The following FAM193B variants were observed in gnomAD, a reference collection of about 807,000 sequenced individuals.
The protein encoded by FAM193B is protein FAM193B.
FAM193B carries 27 observed loss-of-function variants against 70.7 expected under a neutral mutation model. The observed-to-expected ratio is 0.38, with a 90% CI of 0.28 to 0.53. The LOEUF (loss-of-function observed/expected upper bound fraction) is 0.53, where lower values mean the gene tolerates loss of function less well. Ranked by LOEUF, FAM193B falls within the 20% of genes least tolerant of loss-of-function variation. FAM193B has a pLI of 0.81. For missense variants in FAM193B, 1,022 were observed against 1,072.5 expected (o/e 0.95, Z 0.66); for synonymous variants, 448 against 436.0 (o/e 1.03, Z -0.34).
At chr5:177,526,214 A>G (rs1038091831) in intron 5 of FAM193B, among the ~76,000 whole-genome samples, 6 of 152,214 alleles carry the variant, frequency 3.9e-5, no homozygotes, top group Admixed American at 3.9e-4. Flanking sequence ...ACTACAGTCA[A>G]TTGTTCTGTG....
chr5:177,522,166 C>G, intron 7 of FAM193B, 95 bp from the exon 8 acceptor site: 1 of 987,918 alleles, frequency 1.0e-6, no homozygotes, highest in Non-Finnish European at 1.6e-6. Context: ...CACTAAGAGA[C>G]CAGGTTCTCT....
intron 1 of FAM193B, among the ~76,000 whole-genome samples, chr5:177,543,147 C>T (rs1051377450): frequency 2.6e-5 from 4 of 152,068 alleles, no homozygotes; most frequent in African/African-American, 9.7e-5. Flanking sequence ...GTGACTCTCC[C>T]GAGAGCCAAA....
intron 3 of FAM193B, 138 bp downstream of exon 3, chr5:177,537,735 G>A: frequency 8.0e-7 from 1 of 1,254,256 alleles, no homozygotes; most frequent in Non-Finnish European, 1.1e-6. Flanking sequence ...GGTCTAAGCT[G>A]CCCCTGCTTC....
intron 7 of FAM193B, chr5:177,523,315 T>A (rs577894263): frequency 1.1e-4 from 31 of 292,682 alleles, no homozygotes; most frequent in Non-Finnish European, 1.5e-4. Flanking sequence ...TACTAATTTT[T>A]AAAAAATTTG....
At chr5:177,531,473 G>GCTT in intron 5 of FAM193B, 1 of 1,359,696 alleles carries the variant, frequency 7.4e-7, no homozygotes, top group South Asian at 1.2e-5. Flanking sequence ...CTCGAGCGGA[G>GCTT]CTTCTCCCGG....
chr5:177,554,198 C>G, intron 1 of FAM193B, 51 bp downstream of exon 1: 1 of 1,479,974 alleles, frequency 6.8e-7, no homozygotes, highest in Non-Finnish European at 9.0e-7. Flanking sequence ...CGCTCCCGCT[C>G]GGGGAAGGTG....
chr5:177,552,927 G>C (rs1365511446), intron 1 of FAM193B, among the ~76,000 whole-genome samples: 2 of 152,204 alleles, frequency 1.3e-5, no homozygotes, highest in African/African-American at 2.4e-5. Flanking sequence ...TTTTTATTCT[G>C]TGTTAGCAAG....
rs1764456852 is a variant in FAM193B at position 177,538,511 on chromosome 5, A to G, written c.453+394T>C. ...AAGTCTGGCCATCGTGATTCATGAAACAGCAGACTTAGATGACTCCCAAGT... is the reference window on the plus strand; with the variant it reads ...AAGTCTGGCCATCGTGATTCATGAAGCAGCAGACTTAGATGACTCCCAAGT... On this transcript the variant is annotated intron_variant, in intron 2 of 8. Coordinates refer to ENST00000514747, the MANE Select transcript of FAM193B (RefSeq NM_001190946.3). This position sits in a 1 kb window ranked among gnomAD's most constrained non-coding sequence, Gnocchi z 4.1. Among the ~76,000 whole-genome samples the G allele has an allele frequency of 6.6e-6, 1 of 152,208 alleles. No homozygotes were observed. Among genetic ancestry groups the G allele is most frequent in the Admixed American group, 6.5e-5 (1 of 15,280 alleles).
intron 4 of FAM193B, among the ~76,000 whole-genome samples, chr5:177,535,193 T>A (rs1764027619): frequency 6.6e-6 from 1 of 152,228 alleles, no homozygotes; most frequent in Non-Finnish European, 1.5e-5. Flanking sequence ...AATGTCCGAA[T>A]AACCCAAATG....
intron 1 of FAM193B, among the ~76,000 whole-genome samples, chr5:177,552,690 T>C (rs1277344424): frequency 2.6e-5 from 4 of 152,148 alleles, no homozygotes; most frequent in Non-Finnish European, 5.9e-5. Flanking sequence ...CTAGACCCAG[T>C]AGGGGTTGGG....
intron 1 of FAM193B, chr5:177,553,560 G>A (rs1441574932): frequency 8.8e-7 from 1 of 1,138,556 alleles, no homozygotes; most frequent in Non-Finnish European, 1.1e-6. Flanking sequence ...TGGAAGCTTT[G>A]GGGAATCCTC....
chr5:177,545,315 A>G (rs936708653), intron 1 of FAM193B, among the ~76,000 whole-genome samples: 5 of 152,226 alleles, frequency 3.3e-5, no homozygotes, highest in Non-Finnish European at 5.9e-5. Context: ...AAGTGCTGGC[A>G]TTACAGGCAT....
In FAM193B at chr5:177,553,390, T is replaced by A; in HGVS notation, c.210+859A>T. On this transcript the variant is annotated intron_variant, in intron 1 of 8. Coordinates refer to ENST00000514747, the MANE Select transcript of FAM193B (RefSeq NM_001190946.3). Reference sequence around the variant, plus strand: ...CCAAAAGACCAACTCAAAACTCTTTTGTCAGAGCAAGCTTAGGGAGAGCCA... The same window carrying A: ...CCAAAAGACCAACTCAAAACTCTTTAGTCAGAGCAAGCTTAGGGAGAGCCA... The A allele has an allele frequency of 4.0e-6, 4 of 1,004,058 alleles. No homozygotes were observed. The South Asian group carries it at 1.5e-4, about 38-fold the overall frequency. 62.2% of individuals were successfully genotyped at this position (1,004,058 alleles called of 1,614,324 possible). A position where few individuals can be genotyped will look rare whatever the true frequency, so the allele number is the denominator to read the frequency against.
At chr5:177,531,849 A>T in intron 5 of FAM193B, 14 of 1,156,096 alleles carry the variant, frequency 1.2e-5, no homozygotes, top group Non-Finnish European at 1.5e-5. Context: ...CATCTCTAAA[A>T]TGAGGATAAT....
At position 177,524,414 on chromosome 5, in the gene FAM193B, A is replaced by G; in HGVS notation, c.2067T>C (p.Ala689=). ...ELPKVGSCAE[A]GEGSRGSRPG... ...GCCGGCTCCCCCGGCTCCCCTCTCC[A>G]GCCTCAGCACAGCTGCCTACTTTGG... is the stretch of plus-strand genomic sequence containing the variant. The change falls in exon 6 of 9, where the codon GCT becomes GCC. Residue 689 remains alanine (A), a synonymous_variant. Transcript: ENST00000514747. The G allele has an allele frequency of 6.3e-7, 1 of 1,593,292 alleles. No homozygotes were observed. Among genetic ancestry groups the G allele is most frequent in the Non-Finnish European group, 8.5e-7 (1 of 1,170,432 alleles).
chr5:177,543,868 C>A (rs1413204709), intron 1 of FAM193B, among the ~76,000 whole-genome samples: 1 of 152,254 alleles, frequency 6.6e-6, no homozygotes, highest in African/African-American at 2.4e-5. Flanking sequence ...AGTATTCCTA[C>A]ACAAAGAAGA....
At chr5:177,553,428 T>C (rs1293689595) in intron 1 of FAM193B, 3 of 1,051,760 alleles carry the variant, frequency 2.9e-6, no homozygotes, top group Non-Finnish European at 3.5e-6. Flanking sequence ...CAGCCCCGAG[T>C]GCCACAACCC....
Position 177,532,122 on chromosome 5 carries a change from G to A in FAM193B, c.1275+321C>T, listed in dbSNP as rs995349172. 7 of 1,339,104 alleles carry A rather than the reference G, an allele frequency of 5.2e-6. No individual in the cohort carries two copies. The highest frequency in any genetic ancestry group is 4.5e-5 in the Admixed American group (2 of 44,860). 83.0% of individuals were successfully genotyped at this position (1,339,104 alleles called of 1,614,324 possible). A position where few individuals can be genotyped will look rare whatever the true frequency, so the allele number is the denominator to read the frequency against. On this transcript the variant is annotated intron_variant, in intron 5 of 8. Coordinates refer to ENST00000514747, the MANE Select transcript of FAM193B (RefSeq NM_001190946.3). This position sits in a 1 kb window ranked among gnomAD's most constrained non-coding sequence, Gnocchi z 4.9. ...CACTCTGCCTTCATCACTCCCAAGC[G>A]TTCACTTCTCTGGGATTACACACGT...
At chr5:177,540,905 G>A (rs188149052) in intron 1 of FAM193B, among the ~76,000 whole-genome samples, 6 of 152,192 alleles carry the variant, frequency 3.9e-5, no homozygotes, top group East Asian at 1.9e-4. Flanking sequence ...TTTTTCTCCC[G>A]TGAAATTACT....
Sources: allele counts gnomAD v4.1 joint callset (sites outside exome capture counted in the v4.1 genomes callset), GRCh38; gene constraint gnomAD v4.1.1; non-coding constraint Gnocchi (gnomAD v3.1); transcripts MANE v1.5; gene names NCBI Gene and HGNC (gene_info 2026-07-23, HGNC 2026-07-21).